The following DNAH11 variants were observed in gnomAD, a reference collection of about 807,000 sequenced individuals.
The protein encoded by DNAH11 is axonemal beta dynein heavy chain 11.
Under a neutral mutation model 526.0 loss-of-function variants are expected in DNAH11, and 442 were observed. That is an observed-to-expected ratio of 0.84 (90% CI 0.78 to 0.91). DNAH11 has a LOEUF of 0.91. DNAH11 is among the 40% of genes least tolerant of loss of function. The probability of loss-of-function intolerance (pLI) is 0.00; values close to 1 mark genes in which losing one functional copy is unlikely to be tolerated. For missense variants in DNAH11, 6,989 were observed against 5,448.7 expected, an observed-to-expected ratio of 1.28 and a Z score of -8.90; for synonymous variants, 2,461 against 1,935.9, an observed-to-expected ratio of 1.27 and a Z score of -7.12.
In DNAH11 at chr7:21,588,517, A is replaced by G; in HGVS notation, c.1854A>G (p.Glu618=). ...ACCAAAATATCAACTTGCAGATTGAATGTGGTCATGTAGTTCTTAACAAGA... is the reference window on the plus strand; with the variant it reads ...ACCAAAATATCAACTTGCAGATTGAGTGTGGTCATGTAGTTCTTAACAAGA... ...QLYNEHMKQI[E]CGHVVLNKNM... is the part of the protein sequence containing the mutation. The change falls in exon 11 of 82, where the codon GAA becomes GAG. Residue 618 remains glutamate (E), a synonymous_variant. Coordinates refer to ENST00000409508, the MANE Select transcript of DNAH11 (RefSeq NM_001277115.2). 1 of 1,613,662 alleles carries G rather than the reference A, an allele frequency of 6.2e-7. No individual in the cohort carries two copies. The highest frequency in any genetic ancestry group is 1.1e-5 in the South Asian group (1 of 91,030).
At chr7:21,746,345 TGTAATCC>T (rs569767857) in intron 51 of DNAH11, among the ~76,000 whole-genome samples, 214 of 152,298 alleles carry the variant, frequency 1.4e-3, no homozygotes, top group African/African-American at 4.7e-3. Flanking sequence ...GGCTCACACC[TGTAATCC>T]CAGCACTTTG....
chr7:21,859,756 T>G (rs1324911279), intron 68 of DNAH11, among the ~76,000 whole-genome samples: 3 of 151,968 alleles, frequency 2.0e-5, no homozygotes, highest in African/African-American at 7.3e-5. Flanking sequence ...TATAGAGAGA[T>G]ATAGCAATTC....
rs1311533333 is a variant in DNAH11 at position 21,674,002 on chromosome 7, T to C, written c.5329-7544T>C. ...CCTCCTGCTCCTTAAATATTCCTGT[T>C]CCTTATGGCTCTATTCTGTTTTGTT... On this transcript the variant is annotated intron_variant, in intron 30 of 81. Transcript: ENST00000409508. 5.9e-5 allele frequency among the ~76,000 whole-genome samples: 9 copies of C among 151,464 alleles called. No individual in the cohort carries two copies. In the Middle Eastern group the frequency reaches 0.014, roughly 229 times the overall value.
At chr7:21,548,640 G>A (rs1209105554) in intron 2 of DNAH11, among the ~76,000 whole-genome samples, 1 of 152,190 alleles carries the variant, frequency 6.6e-6, no homozygotes, top group African/African-American at 2.4e-5. Flanking sequence ...ACAGGTTACA[G>A]AGGTTCCTTT....
At chr7:21,596,090 G>T (rs1164559279) in intron 14 of DNAH11, among the ~76,000 whole-genome samples, 1 of 152,206 alleles carries the variant, frequency 6.6e-6, no homozygotes, top group Admixed American at 6.5e-5. Context: ...TGTTTCTGTT[G>T]ACTTCCAGTG....
chr7:21,618,110 A>C, intron 23 of DNAH11: 1 of 173,524 alleles, frequency 5.8e-6, no homozygotes, highest in Non-Finnish European at 1.2e-5. Context: ...ATTCTTTCTC[A>C]AGGACAGACC....
At chr7:21,660,975 T>G (rs1270217849) in intron 30 of DNAH11, among the ~76,000 whole-genome samples, 2 of 152,108 alleles carry the variant, frequency 1.3e-5, no homozygotes, top group Non-Finnish European at 2.9e-5. Context: ...TTTCTTCTCC[T>G]TTGTTTCGGT....
At chr7:21,782,595 A>C (rs1295466616) in intron 57 of DNAH11, among the ~76,000 whole-genome samples, 2 of 152,248 alleles carry the variant, frequency 1.3e-5, no homozygotes, top group African/African-American at 4.8e-5. Flanking sequence ...GTCAGAAAAG[A>C]GTAGCAGCTC....
At chr7:21,775,492 C>G (rs1583682116) in intron 56 of DNAH11, among the ~76,000 whole-genome samples, 1 of 151,988 alleles carries the variant, frequency 6.6e-6, no homozygotes, top group African/African-American at 2.4e-5. Flanking sequence ...GTGGCGCACA[C>G]CTGTAGACCC....
chr7:21,589,398 C>A lies in DNAH11; in HGVS notation c.2164C>A (p.Pro722Thr). 1 of 1,592,128 alleles carries A rather than the reference C, an allele frequency of 6.3e-7. No individual in the cohort carries two copies. Among genetic ancestry groups the A allele is most frequent in the Non-Finnish European group, 8.5e-7 (1 of 1,171,540 alleles). ...INGLLCVNFD[P>T]KLVAVLREVK... Reference sequence around the variant, plus strand: ...TGGTCTTCTCTGTGTCAATTTTGACCCAAAGGTAGGGATTTGATTTTTTAA... The same window carrying A: ...TGGTCTTCTCTGTGTCAATTTTGACACAAAGGTAGGGATTTGATTTTTTAA... The change falls in exon 12 of 82, where the codon CCA (proline) becomes ACA (threonine). Residue 722 changes from proline to threonine, a missense_variant. By Grantham distance (38) the Pro-to-Thr change is conservative (BLOSUM62 -1). Coordinates refer to ENST00000409508, the MANE Select transcript of DNAH11 (RefSeq NM_001277115.2).
intron 63 of DNAH11, among the ~76,000 whole-genome samples, chr7:21,811,370 C>T (rs1217237587): frequency 1.3e-5 from 2 of 151,632 alleles, no homozygotes; most frequent in Non-Finnish European, 2.9e-5. Flanking sequence ...GCAGGAGAAT[C>T]GCTTAAACCC....
At chr7:21,708,402 G>A (rs778043863) in intron 40 of DNAH11, among the ~76,000 whole-genome samples, 2 of 151,976 alleles carry the variant, frequency 1.3e-5, no homozygotes, top group East Asian at 1.9e-4. Context: ...AGTTCTTCTC[G>A]CCTTCTCCAT....
chr7:21,748,854 A>C, intron 52 of DNAH11, 112 bp downstream of exon 52: 1 of 1,136,704 alleles, frequency 8.8e-7, no homozygotes, highest in Non-Finnish European at 1.2e-6. Context: ...AGGCCTCCCC[A>C]ACCACGGGAG....
At chr7:21,625,676 G>A (rs143296985) in intron 25 of DNAH11, among the ~76,000 whole-genome samples, 20 of 152,096 alleles carry the variant, frequency 1.3e-4, no homozygotes, top group South Asian at 6.2e-4. Flanking sequence ...GCTGCATTCC[G>A]TAAGTTTTAG....
At position 21,716,800 on chromosome 7, in the gene DNAH11, GA is replaced by G. The variant is rs542082392; in HGVS notation, c.6984-970del. ...GCTGAAAACCATTTCTCTTGGACCT[GA>G]AAAAGTTTTGACAGTTGACATTTTA... On this transcript the variant is annotated intron_variant, in intron 42 of 81. Coordinates refer to ENST00000409508, the MANE Select transcript of DNAH11 (RefSeq NM_001277115.2). Among the ~76,000 whole-genome samples, 22 of 152,282 alleles carry G rather than the reference GA, an allele frequency of 1.4e-4. No individual in the cohort carries two copies. In the East Asian group the frequency reaches 3.9e-3, roughly 27 times the overall value.
intron 36 of DNAH11, among the ~76,000 whole-genome samples, chr7:21,702,335 G>A (rs945316075): frequency 6.6e-6 from 1 of 152,166 alleles, no homozygotes; most frequent in Non-Finnish European, 1.5e-5. Flanking sequence ...GGCCCTTGAT[G>A]AAACCAGCAC....
intron 68 of DNAH11, among the ~76,000 whole-genome samples, chr7:21,860,193 A>G (rs1436822165): frequency 6.6e-6 from 1 of 152,178 alleles, no homozygotes; most frequent in Admixed American, 6.5e-5. Flanking sequence ...GGCAACAAAC[A>G]TATGAAAAAA....
intron 8 of DNAH11, among the ~76,000 whole-genome samples, chr7:21,579,232 A>G (rs1784219412): frequency 6.6e-6 from 1 of 152,244 alleles, no homozygotes; most frequent in Non-Finnish European, 1.5e-5. Context: ...GAATACAGCA[A>G]CATTTTTATA....
intron 25 of DNAH11, among the ~76,000 whole-genome samples, chr7:21,623,541 A>G (rs368160763): frequency 6.6e-6 from 1 of 152,304 alleles, no homozygotes; most frequent in East Asian, 1.9e-4. Flanking sequence ...CACTATTCAC[A>G]ATAGCAAAGA....
Sources: gnomAD v4.1 joint callset for allele counts (sites outside exome capture counted in the v4.1 genomes callset) on GRCh38, gnomAD v4.1.1 for gene constraint, MANE v1.5 for transcripts, NCBI Gene and HGNC (gene_info 2026-07-23, HGNC 2026-07-21) for gene names.